Variants in GTF2F2 observed in about 807,000 individuals in gnomAD.
GTF2F2 encodes general transcription factor IIF subunit 2, also known as ATP-dependent helicase GTF2F2.
In GTF2F2, 23 loss-of-function variants were observed where a neutral mutation model predicts 42.2. That is an observed-to-expected ratio of 0.55 (90% CI 0.39 to 0.77). GTF2F2 has a LOEUF of 0.77. Ranked by LOEUF, GTF2F2 falls within the 30% of genes least tolerant of loss-of-function variation. The pLI is 0.00. For missense variants in GTF2F2, 261 were observed against 287.2 expected (o/e 0.91, Z 0.66); for synonymous variants, 105 against 100.8 (o/e 1.04, Z -0.25).
chr13:45,280,051 A>G (rs1877198049), intron 7 of GTF2F2, among the ~76,000 whole-genome samples: 1 of 152,212 alleles, frequency 6.6e-6, no homozygotes, highest in Non-Finnish European at 1.5e-5. Flanking sequence ...TGTTAGAGAA[A>G]GTTTCTCTGA....
chr13:45,271,101 G>T (rs1403077466), intron 7 of GTF2F2, among the ~76,000 whole-genome samples: 1 of 152,028 alleles, frequency 6.6e-6, no homozygotes, highest in African/African-American at 2.4e-5. Flanking sequence ...GACTATCCTG[G>T]CTAACACGGT....
At chr13:45,127,822 G>A (rs1451748029) in intron 1 of GTF2F2, among the ~76,000 whole-genome samples, 6 of 151,506 alleles carry the variant, frequency 4.0e-5, no homozygotes, top group East Asian at 1.9e-4. Flanking sequence ...TGGTAGAGAC[G>A]GGGTTTCGCC....
chr13:45,121,290 A>G (rs1366498726), intron 1 of GTF2F2, among the ~76,000 whole-genome samples: 4 of 152,236 alleles, frequency 2.6e-5, no homozygotes, highest in African/African-American at 9.6e-5. Flanking sequence ...CTGGCCGTCA[A>G]TAAACGTTTT....
intron 6 of GTF2F2, among the ~76,000 whole-genome samples, chr13:45,259,336 G>T (rs1313568021): frequency 6.6e-6 from 1 of 152,126 alleles, no homozygotes; most frequent in Non-Finnish European, 1.5e-5. Context: ...TGAGGCAGGA[G>T]AATTGCTTGA....
At chr13:45,246,475 G>A (rs1244041754) in intron 5 of GTF2F2, among the ~76,000 whole-genome samples, 1 of 151,986 alleles carries the variant, frequency 6.6e-6, no homozygotes, top group African/African-American at 2.4e-5. Context: ...TTTAACTTGA[G>A]TCCCACTCCT....
chr13:45,226,642 C>G (rs1006552963), intron 5 of GTF2F2, among the ~76,000 whole-genome samples: 1 of 152,076 alleles, frequency 6.6e-6, no homozygotes, highest in Non-Finnish European at 1.5e-5. Flanking sequence ...AATTTTAGAA[C>G]ACTTTTTTTT....
At chr13:45,122,535 G>A (rs1868711267) in intron 1 of GTF2F2, among the ~76,000 whole-genome samples, 2 of 152,174 alleles carry the variant, frequency 1.3e-5, no homozygotes, top group Admixed American at 6.5e-5. Flanking sequence ...TTGGGAGGCT[G>A]AGGCAGAAGA....
intron 4 of GTF2F2, among the ~76,000 whole-genome samples, chr13:45,165,867 G>A (rs554293421): frequency 3.6e-5 from 5 of 139,382 alleles, no homozygotes; most frequent in African/African-American, 1.4e-4. Context: ...AGGCTGGAGT[G>A]CAGTGGTGTG....
At position 45,135,485 on chromosome 13, in the gene GTF2F2, C is replaced by G. The variant is rs572835525; in HGVS notation, c.67-1248C>G. On this transcript the variant is annotated intron_variant, in intron 1 of 7. Transcript: ENST00000340473. The stretch of plus-strand genomic sequence containing the variant: ...ATGTTGGTCAGGCTGGTCTTGAACT[C>G]ATGACCTCGTGATCTGCCCGCCTCG... 8.6e-5 allele frequency among the ~76,000 whole-genome samples: 13 copies of G among 150,934 alleles called. No individual in the cohort carries two copies. In the East Asian group the frequency reaches 2.6e-3, roughly 30 times the overall value.
intron 4 of GTF2F2, among the ~76,000 whole-genome samples, chr13:45,202,660 T>C (rs1282197302): frequency 3.3e-5 from 5 of 152,026 alleles, no homozygotes; most frequent in Non-Finnish European, 1.5e-5. Flanking sequence ...CTTATAAATG[T>C]ACGTTTAGTT....
At chr13:45,120,951 A>C (rs1868599591) in intron 1 of GTF2F2, among the ~76,000 whole-genome samples, 1 of 152,198 alleles carries the variant, frequency 6.6e-6, no homozygotes, top group Admixed American at 6.5e-5. Context: ...TGCCTGGACT[A>C]GATCTCTTTC....
rs114965844 is a variant in GTF2F2 at position 45,145,520 on chromosome 13, C to T, written c.141-4250C>T. On this transcript the variant is annotated intron_variant, in intron 2 of 7. Coordinates refer to ENST00000340473, the MANE Select transcript of GTF2F2 (RefSeq NM_004128.3). ...GGGAGCATATGTACACACACACATA[C>T]CTCCCCCACACACATCCCTCTTTAC... is the stretch of plus-strand genomic sequence containing the variant. Among the ~76,000 whole-genome samples the T allele has an allele frequency of 7.6e-3, 1,160 of 152,268 alleles. 18 individuals are homozygous for T. Among genetic ancestry groups the T allele is most frequent in the African/African-American group, 0.026 (1,097 of 41,528 alleles).
chr13:45,199,469 T>C (rs1000462647), intron 4 of GTF2F2, among the ~76,000 whole-genome samples: 2 of 152,160 alleles, frequency 1.3e-5, no homozygotes, highest in Non-Finnish European at 2.9e-5. Flanking sequence ...GAAACCTGTG[T>C]TTTATAATTT....
chr13:45,154,007 A>C (rs1366509730), intron 4 of GTF2F2, among the ~76,000 whole-genome samples: 1 of 150,998 alleles, frequency 6.6e-6, no homozygotes, highest in Non-Finnish European at 1.5e-5. Context: ...AAAAGAGTTA[A>C]AGAGTTTTAG....
intron 5 of GTF2F2, among the ~76,000 whole-genome samples, chr13:45,229,048 A>G (rs1452104312): frequency 6.6e-6 from 1 of 151,456 alleles, no homozygotes; most frequent in Non-Finnish European, 1.5e-5. Flanking sequence ...CATCCGGCTA[A>G]TTTTTGTAGT....
chr13:45,207,184 G>A (rs1024759584), intron 4 of GTF2F2: 27 of 427,902 alleles, frequency 6.3e-5, no homozygotes, highest in African/African-American at 4.3e-4. Context: ...TATAAAAGCT[G>A]TTCCTGGCAA....
At chr13:45,200,518 G>C (rs112579122) in intron 4 of GTF2F2, among the ~76,000 whole-genome samples, 1 of 152,176 alleles carries the variant, frequency 6.6e-6, no homozygotes, top group Admixed American at 6.5e-5. Flanking sequence ...TTGTTGCCCA[G>C]GCTGGGCTCA....
rs140156787 is a variant in GTF2F2 at position 45,151,639 on chromosome 13, G to A, written c.160-48G>A. On this transcript the variant is annotated intron_variant, in intron 3 of 7. Transcript: ENST00000340473. ...TATAACAAAAATTTATATATATATA[G>A]TTTGAATACAGAAGTCTGTTATAAT... 1.0e-3 allele frequency: 1,289 copies of A among 1,235,246 alleles called. 9 individuals carry two copies. In the African/African-American group the frequency reaches 0.018, roughly 17 times the overall value. The allele number at this position is 1,235,246 out of a possible 1,614,324, so 76.5% of individuals were successfully genotyped here.
intron 5 of GTF2F2, among the ~76,000 whole-genome samples, chr13:45,210,801 A>T (rs181243579): frequency 3.9e-5 from 6 of 152,314 alleles, no homozygotes; most frequent in Non-Finnish European, 2.9e-5. Flanking sequence ...ACTATTAAGG[A>T]GATATGGAAA....
Sources: gnomAD v4.1 joint callset for allele counts (sites outside exome capture counted in the v4.1 genomes callset) on GRCh38, gnomAD v4.1.1 for gene constraint, MANE v1.5 for transcripts, NCBI Gene and HGNC (gene_info 2026-07-23, HGNC 2026-07-21) for gene names.